SHANK2: variants seen among roughly 807,000 people sequenced by gnomAD.
SHANK2 encodes the protein SH3 and multiple ankyrin repeat domains protein 2.
SHANK2 carries 43 observed loss-of-function variants against 133.7 expected under a neutral mutation model. That is an observed-to-expected ratio of 0.32 (90% CI 0.25 to 0.41). SHANK2 has a LOEUF of 0.41. SHANK2 is among the 10% of genes least tolerant of loss of function. The probability of loss-of-function intolerance (pLI) is 1.00; values close to 1 mark genes in which losing one functional copy is unlikely to be tolerated. For synonymous variants in SHANK2, 1,017 were observed against 952.8 expected (o/e 1.07, Z -1.24); for missense variants, 1,994 against 2,235.8 (o/e 0.89, Z 2.18).
chr11:70,613,210 T>C (rs1554994861), intron 17 of SHANK2, among the ~76,000 whole-genome samples: 4 of 152,208 alleles, frequency 2.6e-5, no homozygotes, highest in Non-Finnish European at 5.9e-5. Flanking sequence ...TTTTTCTTTT[T>C]TCTTTTTTTT....
intron 11 of SHANK2, among the ~76,000 whole-genome samples, chr11:70,831,269 A>C (rs1271962931): frequency 6.6e-6 from 1 of 152,156 alleles, no homozygotes; most frequent in African/African-American, 2.4e-5. Flanking sequence ...GCAGGCGAGC[A>C]CCTTTTGAGT....
At chr11:70,842,864 C>T (rs1012602507) in intron 11 of SHANK2, among the ~76,000 whole-genome samples, 3 of 152,202 alleles carry the variant, frequency 2.0e-5, no homozygotes, top group African/African-American at 7.2e-5. Flanking sequence ...TGAGCTTGCA[C>T]GGGGATCTGT....
At chr11:70,732,567 G>T (rs79683926) in intron 14 of SHANK2, among the ~76,000 whole-genome samples, 2 of 151,918 alleles carry the variant, frequency 1.3e-5, no homozygotes, top group African/African-American at 4.8e-5. Context: ...ACACCTCCCC[G>T]ACCCTCCCCT....
At chr11:70,693,149 T>C (rs782200473) in intron 15 of SHANK2, among the ~76,000 whole-genome samples, 6 of 152,112 alleles carry the variant, frequency 3.9e-5, no homozygotes, top group Non-Finnish European at 8.8e-5. Flanking sequence ...CCAACCACCA[T>C]TGTTGCTTGG....
At chr11:71,117,801 C>T (rs530272307) in intron 4 of SHANK2, among the ~76,000 whole-genome samples, 2 of 152,292 alleles carry the variant, frequency 1.3e-5, no homozygotes, top group African/African-American at 4.8e-5. Context: ...CGTTTGTACA[C>T]TTTGTAATAA....
At chr11:70,935,787 A>C (rs187074175) in intron 10 of SHANK2, among the ~76,000 whole-genome samples, 17 of 149,004 alleles carry the variant, frequency 1.1e-4, no homozygotes, top group African/African-American at 4.1e-4. Context: ...CAACTTGGGA[A>C]TGTTTTAAAA....
intron 14 of SHANK2, among the ~76,000 whole-genome samples, chr11:70,746,117 C>G (rs532743115): frequency 1.3e-5 from 2 of 152,344 alleles, no homozygotes; most frequent in Middle Eastern, 3.4e-3. Flanking sequence ...GAATCTCACA[C>G]CCACGCTTCA....
chr11:71,192,701 A>G (rs1953816530), intron 2 of SHANK2, among the ~76,000 whole-genome samples: 1 of 152,224 alleles, frequency 6.6e-6, no homozygotes, highest in Non-Finnish European at 1.5e-5. Context: ...CTCTGTCTTC[A>G]GTCATTACTG....
rs1196447179 is a variant in SHANK2 at position 71,252,027 on chromosome 11, A to G, written c.-113+398T>C. On this transcript the variant is annotated intron_variant, in intron 1 of 25. Transcript: ENST00000601538. The surrounding 1 kb of genome is among the most constrained non-coding windows in gnomAD (Gnocchi z 6.3). Reference sequence around the variant, plus strand: ...ACCCGGGGCAAGGAGACCCCGGGAGAGCGGGGGAGGTCGCGCCACACGCGC... The same window carrying G: ...ACCCGGGGCAAGGAGACCCCGGGAGGGCGGGGGAGGTCGCGCCACACGCGC... 4.1e-4 allele frequency among the ~76,000 whole-genome samples: 62 copies of G among 151,974 alleles called. No individual in the cohort carries two copies. Among genetic ancestry groups the G allele is most frequent in the African/African-American group, 1.4e-3 (60 of 41,448 alleles).
chr11:70,708,446 C>T lies in SHANK2; in HGVS notation c.1778-9683G>A, dbSNP rs116076166. Among the ~76,000 whole-genome samples the T allele has an allele frequency of 6.2e-3, 943 of 152,274 alleles. 9 individuals are homozygous for T. Among genetic ancestry groups the T allele is most frequent in the African/African-American group, 0.021 (872 of 41,556 alleles). Reference sequence around the variant, plus strand: ...TGACAACCAAGTAACGTCCCCTCCACGTTTCCAATCAGTCCCCGCACTCCC... The same window carrying T: ...TGACAACCAAGTAACGTCCCCTCCATGTTTCCAATCAGTCCCCGCACTCCC... On this transcript the variant is annotated intron_variant, in intron 14 of 25. Transcript: ENST00000601538.
At chr11:70,522,565 C>G (rs1356163600) in intron 17 of SHANK2, among the ~76,000 whole-genome samples, 1 of 152,254 alleles carries the variant, frequency 6.6e-6, no homozygotes, top group East Asian at 1.9e-4. Flanking sequence ...GTGGTACCCC[C>G]TCTATCGTCT....
intron 17 of SHANK2, among the ~76,000 whole-genome samples, chr11:70,551,780 C>T (rs1459436269): frequency 6.6e-6 from 1 of 152,260 alleles, no homozygotes; most frequent in African/African-American, 2.4e-5. Context: ...TGTCTCTGCT[C>T]GTCCACCTGG....
chr11:70,473,247 G>T lies in SHANK2; in HGVS notation c.5172C>A (p.Ala1724=). The change falls in exon 26 of 26, where the codon GCC becomes GCA. Residue 1724 remains alanine (A), a synonymous_variant. Transcript: ENST00000601538. The surrounding 1 kb of genome is among the most constrained non-coding windows in gnomAD (Gnocchi z 5.9). ...PTEMNKETLP[A]PLSAATASPS... is the part of the protein sequence containing the mutation. ...GAGAGGCGGTGGCAGCAGACAGGGG[G>T]GCGGGCAGGGTCTCTTTGTTCATCT... 1 of 1,610,532 alleles carries T rather than the reference G, an allele frequency of 6.2e-7. No individual in the cohort carries two copies. The highest frequency in any genetic ancestry group is 8.5e-7 in the Non-Finnish European group (1 of 1,177,002).
chr11:70,816,024 A>T (rs1948387130), intron 12 of SHANK2, among the ~76,000 whole-genome samples: 1 of 152,156 alleles, frequency 6.6e-6, no homozygotes. Flanking sequence ...CCGGGACAAT[A>T]ACACCTGATA....
chr11:70,872,228 C>T (rs782142396), intron 11 of SHANK2: 1 of 154,732 alleles, frequency 6.5e-6, no homozygotes, highest in African/African-American at 2.4e-5. Flanking sequence ...CTACTGCCAA[C>T]GAGCTACGGA....
chr11:70,903,981 C>T (rs1382225465), intron 10 of SHANK2, among the ~76,000 whole-genome samples: 3 of 152,170 alleles, frequency 2.0e-5, no homozygotes, highest in Admixed American at 6.5e-5. Flanking sequence ...ACCCCAAATT[C>T]CCAGCACAGA....
At position 70,502,200 on chromosome 11, in the gene SHANK2, A is replaced by G; in HGVS notation, c.2278+6T>C. 1 of 1,554,742 alleles carries G rather than the reference A, an allele frequency of 6.4e-7. No individual in the cohort carries two copies. Among genetic ancestry groups the G allele is most frequent in the Non-Finnish European group, 8.7e-7 (1 of 1,148,450 alleles). Reference sequence around the variant, plus strand: ...TGTACAGGGCTGGGCCGGGTGTGCGACTTACCGAGCTCCTCCAGCTCCGAG... The same window carrying G: ...TGTACAGGGCTGGGCCGGGTGTGCGGCTTACCGAGCTCCTCCAGCTCCGAG... On this transcript the variant is annotated splice_donor_region_variant and intron_variant, in intron 19 of 25. Coordinates refer to ENST00000601538, the MANE Select transcript of SHANK2 (RefSeq NM_012309.5).
rs377122740 is a variant in SHANK2, at chr11:70,821,009, G to C, written c.1175-327C>G. Among the ~76,000 whole-genome samples, 193 of 152,276 alleles carry C rather than the reference G, an allele frequency of 1.3e-3. 4 individuals carry two copies. Among genetic ancestry groups the C allele is most frequent in the Admixed American group, 3.7e-3 (56 of 15,304 alleles). ...GGCTGGCTTGGGCATGTGTAAGGAC[G>C]GGCCACCCCATCACACAAAGCAGAG... On this transcript the variant is annotated intron_variant, in intron 11 of 25. Coordinates refer to ENST00000601538, the MANE Select transcript of SHANK2 (RefSeq NM_012309.5).
intron 17 of SHANK2, among the ~76,000 whole-genome samples, chr11:70,536,164 G>T (rs2059540854): frequency 6.6e-6 from 1 of 152,198 alleles, no homozygotes; most frequent in Admixed American, 6.5e-5. Flanking sequence ...CGACCCAGGA[G>T]ACCTCCTTAC....
Sources: gnomAD v4.1 joint callset for allele counts (sites outside exome capture counted in the v4.1 genomes callset) on GRCh38, gnomAD v4.1.1 for gene constraint, Gnocchi (gnomAD v3.1) non-coding constraint, MANE v1.5 for transcripts, NCBI Gene and HGNC (gene_info 2026-07-23, HGNC 2026-07-21) for gene names.